Variants in CTTNBP2 observed in about 807,000 individuals in gnomAD.
The protein encoded by CTTNBP2 is cortactin-binding protein 2.
Under a neutral mutation model 156.9 loss-of-function variants are expected in CTTNBP2, and 108 were observed. The ratio of observed to expected loss-of-function variants is 0.69; its 90% CI spans 0.59 to 0.81. The LOEUF is 0.81. CTTNBP2 is among the 30% of genes least tolerant of loss of function. The pLI is 0.00. For synonymous variants in CTTNBP2, 767 were observed against 751.8 expected, an observed-to-expected ratio of 1.02 and a Z score of -0.33; for missense variants, 1,924 against 2,035.4, an observed-to-expected ratio of 0.95 and a Z score of 1.05.
chr7:117,738,137 G>A (rs762679775), intron 14 of CTTNBP2, among the ~76,000 whole-genome samples: 3 of 152,164 alleles, frequency 2.0e-5, no homozygotes, highest in Non-Finnish European at 4.4e-5. Flanking sequence ...AGGAATCGCT[G>A]GACCCATCCC....
At chr7:117,853,590 A>G (rs2117204815) in intron 2 of CTTNBP2, among the ~76,000 whole-genome samples, 2 of 152,310 alleles carry the variant, frequency 1.3e-5, no homozygotes, top group East Asian at 3.9e-4. Flanking sequence ...TTCAGATCAC[A>G]TGGAATTCTA....
intron 14 of CTTNBP2, among the ~76,000 whole-genome samples, chr7:117,740,005 A>G (rs973308880): frequency 1.3e-5 from 2 of 152,180 alleles, no homozygotes; most frequent in African/African-American, 2.4e-5. Context: ...GTAATTTTAA[A>G]AAGTATCATC....
Position 117,711,218 on chromosome 7 carries a change from C to CAGAT in CTTNBP2, c.*315_*318dup, listed in dbSNP as rs1794034189. 1 of 220,906 alleles carries CAGAT rather than the reference C, an allele frequency of 4.5e-6. No homozygotes were observed. The highest frequency in any genetic ancestry group is 9.1e-6 in the Non-Finnish European group (1 of 110,004). The allele number at this position is 220,906 out of a possible 1,614,324, so 13.7% of individuals were successfully genotyped here. On this transcript the variant is annotated 3_prime_UTR_variant, in exon 23 of 23. Transcript: ENST00000160373. Reference sequence around the variant, plus strand: ...ATATACATACATATATACATATATACAGATATACAGTACACAGTTCTGTTT... The same window carrying CAGAT: ...ATATACATACATATATACATATATACAGATAGATATACAGTACACAGTTCTGTTT...
chr7:117,837,945 T>C (rs1346429859), intron 2 of CTTNBP2, among the ~76,000 whole-genome samples: 1 of 152,220 alleles, frequency 6.6e-6, no homozygotes, highest in Non-Finnish European at 1.5e-5. Context: ...GTGGCCTCAC[T>C]ACCTATTACC....
intron 19 of CTTNBP2, among the ~76,000 whole-genome samples, chr7:117,723,024 G>T (rs1441773132): frequency 6.6e-6 from 1 of 152,152 alleles, no homozygotes; most frequent in East Asian, 1.9e-4. Context: ...CCTTGCTACA[G>T]AAAGTCATCT....
intron 19 of CTTNBP2, 32 bp from the exon 20 acceptor site, chr7:117,721,162 C>G: frequency 8.0e-7 from 1 of 1,256,190 alleles, no homozygotes; most frequent in African/African-American, 1.5e-5. Context: ...TTCAATAGAT[C>G]ATTATCCCTG....
chr7:117,840,376 A>G (rs1244727984), intron 2 of CTTNBP2, among the ~76,000 whole-genome samples: 1 of 152,054 alleles, frequency 6.6e-6, no homozygotes, highest in Non-Finnish European at 1.5e-5. Context: ...AAAAAATTCT[A>G]AATTAGCCAG....
chr7:117,725,300 T>C (rs763640915), intron 17 of CTTNBP2, 43 bp from the exon 18 acceptor site: 4 of 1,544,654 alleles, frequency 2.6e-6, no homozygotes, highest in South Asian at 2.2e-5. Context: ...AGCAGGCTTC[T>C]CAATAATTAT....
At position 117,791,804 on chromosome 7, in the gene CTTNBP2, A is replaced by G. The variant is rs531413304; in HGVS notation, c.1392T>C (p.Asn464=). 2.5e-6 allele frequency: 4 copies of G among 1,614,090 alleles called. No homozygotes were observed. The highest frequency in any genetic ancestry group is 3.3e-4 in the Middle Eastern group (2 of 6,062). ...CTCTTGACGGAGGACTTTGGGTAGT[A>G]TTTCCATTTTGGTCTGGGTCGTTAG... The part of the protein sequence containing the change: ...GNANDPDQNG[N]TTQSPPSRDV... Residue 464 remains asparagine, a synonymous_variant, in exon 4 of 23, where the codon AAT becomes AAC. Transcript: ENST00000160373.
At chr7:117,835,505 C>T (rs563748493) in intron 2 of CTTNBP2, among the ~76,000 whole-genome samples, 1 of 152,318 alleles carries the variant, frequency 6.6e-6, no homozygotes, top group South Asian at 2.1e-4. Context: ...TCAGCTGTAA[C>T]CTATCCAGCT....
At chr7:117,764,659 T>G (rs777468226) in intron 9 of CTTNBP2, among the ~76,000 whole-genome samples, 1 of 152,222 alleles carries the variant, frequency 6.6e-6, no homozygotes, top group African/African-American at 2.4e-5. Context: ...TTTATATAGA[T>G]AAAATTTATT....
chr7:117,772,592 A>G (rs1286937284), intron 8 of CTTNBP2, among the ~76,000 whole-genome samples: 1 of 152,176 alleles, frequency 6.6e-6, no homozygotes, highest in African/African-American at 2.4e-5. Flanking sequence ...CACTGTTAAT[A>G]ATTACACTGG....
chr7:117,756,655 A>G, intron 11 of CTTNBP2, 21 bp from the exon 12 acceptor site: 2 of 1,473,462 alleles, frequency 1.4e-6, no homozygotes, highest in Non-Finnish European at 1.9e-6. Flanking sequence ...GGACAGACGA[A>G]GAAAAATGGG....
At chr7:117,817,362 ATATATAT>A (rs1329180463) in intron 2 of CTTNBP2, among the ~76,000 whole-genome samples, 2 of 25,444 alleles carry the variant, frequency 7.9e-5, no homozygotes, top group Non-Finnish European at 1.5e-4. Context: ...AAAAAAAAAA[ATATATAT>A]ATATATATAT....
chr7:117,715,499 C>G (rs948335167), intron 22 of CTTNBP2, among the ~76,000 whole-genome samples: 26 of 109,496 alleles, frequency 2.4e-4, no homozygotes, highest in African/African-American at 1.3e-3. Flanking sequence ...AAAAAGAAGC[C>G]TCAAGTGGAT....
At position 117,711,573 on chromosome 7, in the gene CTTNBP2, T is replaced by G; in HGVS notation, c.4956A>C (p.Leu1652Phe). ...NNNSKEVNWN[L>F]HKNEHLEKPN... ...GTTTTTCTAGGTGTTCATTTTTGTG[T>G]AAGTTCCAATTCACTTCTTTTGAGT... The change falls in exon 23 of 23, where the codon TTA becomes TTC. Residue 1652 changes from leucine (L) to phenylalanine (F), a missense_variant. Transcript: ENST00000160373. 1 of 1,613,784 alleles carries G rather than the reference T, an allele frequency of 6.2e-7. No homozygotes were observed. The highest frequency in any genetic ancestry group is 8.5e-7 in the Non-Finnish European group (1 of 1,179,894).
chr7:117,802,785 C>A (rs1276694359), intron 3 of CTTNBP2, among the ~76,000 whole-genome samples: 2 of 152,102 alleles, frequency 1.3e-5, no homozygotes, highest in Non-Finnish European at 2.9e-5. Flanking sequence ...TGAAACAATG[C>A]TCTATATCAC....
chr7:117,712,220 T>A (rs1794099663), intron 22 of CTTNBP2: 1 of 154,582 alleles, frequency 6.5e-6, no homozygotes, highest in African/African-American at 2.4e-5. Context: ...TCTGGGGGCA[T>A]ATAGGAGAAA....
intron 7 of CTTNBP2, among the ~76,000 whole-genome samples, chr7:117,778,418 T>C (rs948845287): frequency 8.5e-5 from 13 of 152,174 alleles, no homozygotes; most frequent in Non-Finnish European, 1.0e-4. Flanking sequence ...TTCTAGAATA[T>C]ATTATTTTGG....
Sources: allele counts gnomAD v4.1 joint callset (sites outside exome capture counted in the v4.1 genomes callset), GRCh38; gene constraint gnomAD v4.1.1; transcripts MANE v1.5; gene names NCBI Gene and HGNC (gene_info 2026-07-23, HGNC 2026-07-21).